ATP10B: variants seen among roughly 807,000 people sequenced by gnomAD.
The protein encoded by ATP10B is phospholipid-transporting ATPase VB.
Under a neutral mutation model 141.2 loss-of-function variants are expected in ATP10B, and 122 were observed. The observed-to-expected ratio is 0.86, with a 90% CI of 0.75 to 1.00. The LOEUF (loss-of-function observed/expected upper bound fraction) is 1.00, where lower values mean the gene tolerates loss of function less well. Ranked by LOEUF, ATP10B falls within the 50% of genes least tolerant of loss-of-function variation. The pLI is 0.00. For synonymous variants in ATP10B, 685 were observed against 692.0 expected (o/e 0.99, Z 0.16); for missense variants, 1,876 against 1,825.3 (o/e 1.03, Z -0.51).
the ATP10B span, among the ~76,000 whole-genome samples, chr5:160,918,518 T>C: frequency 3.3e-5 from 5 of 152,324 alleles, no homozygotes; most frequent in South Asian, 1.0e-3. Context: ...ATATTCACCA[T>C]GATATTCACC....
chr5:160,822,766 G>T (rs1010348502), intron 1 of ATP10B, among the ~76,000 whole-genome samples: 36 of 151,514 alleles, frequency 2.4e-4, no homozygotes, highest in Non-Finnish European at 4.0e-4. Flanking sequence ...GGCATAGAAA[G>T]ACAAACTTCA....
the ATP10B span, among the ~76,000 whole-genome samples, chr5:160,875,922 A>G: frequency 2.2e-5 from 1 of 46,232 alleles, no homozygotes; most frequent in African/African-American, 4.9e-5. Context: ...TTAGACTCCC[A>G]CACATTAATA....
upstream of ATP10B, among the ~76,000 whole-genome samples, chr5:160,856,482 G>T (rs1363682086): frequency 2.0e-5 from 3 of 151,710 alleles, no homozygotes; most frequent in Non-Finnish European, 4.4e-5. Flanking sequence ...TTTCTAATAT[G>T]TATGCCTATT....
At chr5:160,881,553 C>A in the ATP10B span, among the ~76,000 whole-genome samples, 1 of 152,146 alleles carries the variant, frequency 6.6e-6, no homozygotes, top group Non-Finnish European at 1.5e-5. Flanking sequence ...TGGCTCACAC[C>A]TGTAATCCCA....
At chr5:160,748,262 G>C (rs998168265) in intron 2 of ATP10B, among the ~76,000 whole-genome samples, 1 of 152,126 alleles carries the variant, frequency 6.6e-6, no homozygotes, top group Non-Finnish European at 1.5e-5. Context: ...ACTTTAACAG[G>C]CTTCTTAACA....
At chr5:160,634,980 A>G (rs746489441) in intron 11 of ATP10B, among the ~76,000 whole-genome samples, 9 of 152,314 alleles carry the variant, frequency 5.9e-5, no homozygotes, top group East Asian at 1.9e-4. Flanking sequence ...CACTGATTCA[A>G]TATCTCATAT....
intron 3 of ATP10B, among the ~76,000 whole-genome samples, chr5:160,693,889 C>T (rs1188868040): frequency 6.6e-6 from 1 of 152,238 alleles, no homozygotes; most frequent in East Asian, 1.9e-4. Context: ...TGGTTCCCAA[C>T]AGGCCATGGA....
At chr5:160,715,802 C>T (rs1251451775) in intron 3 of ATP10B, among the ~76,000 whole-genome samples, 1 of 151,886 alleles carries the variant, frequency 6.6e-6, no homozygotes, top group Non-Finnish European at 1.5e-5. Context: ...ACCTTTGCCT[C>T]CTAGGTTCAA....
intron 8 of ATP10B, 63 bp downstream of exon 8, chr5:160,649,108 G>A: frequency 8.1e-7 from 1 of 1,236,220 alleles, no homozygotes; most frequent in South Asian, 1.2e-5. Context: ...GTCATTTCTA[G>A]ACAATATATT....
At chr5:160,923,656 C>G in the ATP10B span, among the ~76,000 whole-genome samples, 6 of 152,312 alleles carry the variant, frequency 3.9e-5, no homozygotes, top group Non-Finnish European at 7.3e-5. Flanking sequence ...CTGATAACAG[C>G]CAGCTTGCAT....
At chr5:160,630,023 C>T (rs887662254) in intron 13 of ATP10B, among the ~76,000 whole-genome samples, 1 of 152,300 alleles carries the variant, frequency 6.6e-6, no homozygotes, top group South Asian at 2.1e-4. Flanking sequence ...AAACCAGAAC[C>T]TCCATTTCCT....
chr5:160,917,234 G>T, the ATP10B span, among the ~76,000 whole-genome samples: 1 of 150,332 alleles, frequency 6.7e-6, no homozygotes, highest in African/African-American at 2.5e-5. Flanking sequence ...GTGGAGCTGG[G>T]TTGTGGGGCC....
At chr5:160,593,364 G>C (rs972106113) in intron 22 of ATP10B, among the ~76,000 whole-genome samples, 49 of 152,208 alleles carry the variant, frequency 3.2e-4, no homozygotes, top group Admixed American at 1.3e-4. Flanking sequence ...GATCCTGTCT[G>C]TTAGAAGGAA....
intron 24 of ATP10B, among the ~76,000 whole-genome samples, chr5:160,581,298 C>T (rs777384751): frequency 6.6e-6 from 1 of 152,108 alleles, no homozygotes; most frequent in East Asian, 1.9e-4. Context: ...GTGCTATAAA[C>T]GTCCCTCTAA....
chr5:160,572,663 T>G (rs1259846457), intron 24 of ATP10B, among the ~76,000 whole-genome samples: 1 of 152,214 alleles, frequency 6.6e-6, no homozygotes, highest in Admixed American at 6.5e-5. Context: ...TAAAAATCTT[T>G]CAGGACATTA....
At chr5:160,779,453 C>T (rs1377009644) in intron 2 of ATP10B, among the ~76,000 whole-genome samples, 1 of 152,114 alleles carries the variant, frequency 6.6e-6, no homozygotes, top group Non-Finnish European at 1.5e-5. Flanking sequence ...TGTGTATATG[C>T]CCTAAAGGAG....
At chr5:160,683,964 T>C (rs1357119539) in intron 6 of ATP10B, among the ~76,000 whole-genome samples, 1 of 152,260 alleles carries the variant, frequency 6.6e-6, no homozygotes, top group Non-Finnish European at 1.5e-5. Flanking sequence ...AACAATGACA[T>C]GTATAAAATG....
chr5:160,866,229 C>T, the ATP10B span, among the ~76,000 whole-genome samples: 2 of 152,070 alleles, frequency 1.3e-5, no homozygotes, highest in Non-Finnish European at 2.9e-5. Flanking sequence ...CTACTCAGCC[C>T]ACAAAGAGAA....
At chr5:160,837,745 A>T (rs1251899851) in intron 1 of ATP10B, among the ~76,000 whole-genome samples, 3 of 152,148 alleles carry the variant, frequency 2.0e-5, no homozygotes, top group Admixed American at 2.0e-4. Context: ...TTTTTCAAAT[A>T]TACTACCATC....
Sources: gnomAD v4.1 joint callset for allele counts (sites outside exome capture counted in the v4.1 genomes callset) on GRCh38, gnomAD v4.1.1 for gene constraint, MANE v1.5 for transcripts, NCBI Gene and HGNC (gene_info 2026-07-23, HGNC 2026-07-21) for gene names.